The following CAMKMT variants were observed in gnomAD, a reference collection of about 807,000 sequenced individuals.
CAMKMT encodes the protein CaM KMT.
Under a neutral mutation model 48.0 loss-of-function variants are expected in CAMKMT, and 53 were observed. The observed-to-expected ratio is 1.10, with a 90% CI of 0.89 to 1.39. The LOEUF (loss-of-function observed/expected upper bound fraction) is 1.39. Among genes scored for constraint, CAMKMT ranks in the 40% most tolerant of loss-of-function variants. The pLI is 0.00. For synonymous variants in CAMKMT, 165 were observed against 152.3 expected (o/e 1.08, Z -0.61); for missense variants, 428 against 402.7 (o/e 1.06, Z -0.54).
At chr2:44,750,030 G>A (rs565697271) in intron 8 of CAMKMT, among the ~76,000 whole-genome samples, 12 of 152,304 alleles carry the variant, frequency 7.9e-5, no homozygotes, top group South Asian at 4.1e-4. Context: ...GGGACTCACC[G>A]TTAGAGAAGA....
intron 3 of CAMKMT, among the ~76,000 whole-genome samples, chr2:44,542,755 G>T (rs1667201171): frequency 6.6e-6 from 1 of 152,236 alleles, no homozygotes; most frequent in Non-Finnish European, 1.5e-5. Context: ...AGTATTCCGA[G>T]AAACTGGGGT....
chr2:44,539,426 TG>T (rs1179830244), intron 3 of CAMKMT, among the ~76,000 whole-genome samples: 1 of 152,184 alleles, frequency 6.6e-6, no homozygotes, highest in African/African-American at 2.4e-5. Flanking sequence ...AGTATTTCAG[TG>T]TGAATTTTCT....
intron 3 of CAMKMT, among the ~76,000 whole-genome samples, chr2:44,445,033 A>G (rs1054993176): frequency 3.9e-5 from 6 of 152,184 alleles, no homozygotes; most frequent in Admixed American, 6.5e-5. Flanking sequence ...AGAGGTTAAA[A>G]GGCACAGTGC....
chr2:44,754,175 C>T, intron 9 of CAMKMT, 57 bp downstream of exon 9: 1 of 1,321,252 alleles, frequency 7.6e-7, no homozygotes, highest in Non-Finnish European at 1.1e-6. Context: ...AGTCTGTGCA[C>T]AAAGATGGAG....
intron 3 of CAMKMT, among the ~76,000 whole-genome samples, chr2:44,667,256 A>G (rs1191731954): frequency 1.3e-5 from 2 of 152,268 alleles, no homozygotes; most frequent in Middle Eastern, 3.4e-3. Context: ...CTATCTTCCC[A>G]TAAGGGACTA....
In CAMKMT at chr2:44,500,057, T is replaced by C. The variant is rs1323701997; in HGVS notation, c.376+109752T>C. ...ATAGCTTCAAGAAGTAAATACAAGA[T>C]TCACTTGATGAAAATATTAAAATAC... is the stretch of plus-strand genomic sequence containing the variant. On this transcript the variant is annotated intron_variant, in intron 3 of 10. Coordinates refer to ENST00000378494, the MANE Select transcript of CAMKMT (RefSeq NM_024766.5). Among the ~76,000 whole-genome samples, 4 of 152,308 alleles carry C rather than the reference T, an allele frequency of 2.6e-5. No individual in the cohort carries two copies. In the East Asian group the frequency reaches 7.7e-4, roughly 29 times the overall value.
chr2:44,491,065 G>C (rs768192961), intron 3 of CAMKMT, among the ~76,000 whole-genome samples: 7 of 150,948 alleles, frequency 4.6e-5, no homozygotes, highest in Non-Finnish European at 1.0e-4. Context: ...GTGGGAGGAT[G>C]GCTCAAGCCC....
At chr2:44,489,979 A>T (rs543989332) in intron 3 of CAMKMT, among the ~76,000 whole-genome samples, 1 of 151,996 alleles carries the variant, frequency 6.6e-6, no homozygotes, top group Non-Finnish European at 1.5e-5. Context: ...AATCTAATGT[A>T]TATATTAGAT....
chr2:44,703,101 G>C (rs112308564), intron 3 of CAMKMT, among the ~76,000 whole-genome samples: 16 of 152,070 alleles, frequency 1.1e-4, no homozygotes, highest in African/African-American at 3.1e-4. Context: ...ACTGATCTTT[G>C]AGTTTGATTA....
intron 3 of CAMKMT, among the ~76,000 whole-genome samples, chr2:44,471,361 G>A (rs1334060893): frequency 6.6e-6 from 1 of 151,982 alleles, no homozygotes; most frequent in African/African-American, 2.4e-5. Context: ...TTATGGAATA[G>A]CCAGGCACAG....
chr2:44,534,572 TCAA>T (rs1336325934), intron 3 of CAMKMT, among the ~76,000 whole-genome samples: 1 of 151,886 alleles, frequency 6.6e-6, no homozygotes, highest in African/African-American at 2.4e-5. Context: ...TCAATAGAAA[TCAA>T]CAATAATTTG....
At chr2:44,747,493 C>G (rs72870558) in intron 8 of CAMKMT, among the ~76,000 whole-genome samples, 3,088 of 152,264 alleles carry the variant, frequency 0.02, 94 homozygotes, top group African/African-American at 0.069. Flanking sequence ...GATTGCTCAA[C>G]TAAAGGGGTA....
intron 3 of CAMKMT, among the ~76,000 whole-genome samples, chr2:44,626,633 A>T (rs1435744892): frequency 6.6e-6 from 1 of 152,086 alleles, no homozygotes; most frequent in Non-Finnish European, 1.5e-5. Context: ...AGAAGGGGCT[A>T]GCTAGCTCTT....
At chr2:44,593,396 T>C (rs1181446680) in intron 3 of CAMKMT, among the ~76,000 whole-genome samples, 1 of 152,194 alleles carries the variant, frequency 6.6e-6, no homozygotes, top group Non-Finnish European at 1.5e-5. Context: ...TCAGATATGC[T>C]GGGTTCTAAC....
intron 3 of CAMKMT, among the ~76,000 whole-genome samples, chr2:44,475,939 T>A (rs1317019546): frequency 6.6e-6 from 1 of 152,224 alleles, no homozygotes; most frequent in Non-Finnish European, 1.5e-5. Context: ...CTTTAGGATA[T>A]CCTTTGAAAC....
chr2:44,587,081 G>A (rs1669899160), intron 3 of CAMKMT, among the ~76,000 whole-genome samples: 1 of 152,008 alleles, frequency 6.6e-6, no homozygotes, highest in South Asian at 2.1e-4. Flanking sequence ...ATCTTCTTTG[G>A]TTGAGTGTGT....
chr2:44,716,332 G>A (rs1479706208), intron 7 of CAMKMT, among the ~76,000 whole-genome samples: 3 of 152,046 alleles, frequency 2.0e-5, no homozygotes, highest in South Asian at 2.1e-4. Flanking sequence ...ACACACCCAC[G>A]ATACAGCCCC....
chr2:44,366,978 G>A (rs1274182299), intron 1 of CAMKMT, among the ~76,000 whole-genome samples: 2 of 152,062 alleles, frequency 1.3e-5, no homozygotes, highest in Non-Finnish European at 2.9e-5. Flanking sequence ...GCCCACCTCA[G>A]CCTCCCAAAG....
chr2:44,688,507 C>CAT (rs56792012), intron 3 of CAMKMT, among the ~76,000 whole-genome samples: 18,909 of 151,430 alleles, frequency 0.12, 1,265 homozygotes, highest in South Asian at 0.17. Context: ...CATATATATA[C>CAT]ATATATATAT....
Sources: gnomAD v4.1 joint callset for allele counts (sites outside exome capture counted in the v4.1 genomes callset) on GRCh38, gnomAD v4.1.1 for gene constraint, MANE v1.5 for transcripts, NCBI Gene and HGNC (gene_info 2026-07-23, HGNC 2026-07-21) for gene names.